MSR1: variants seen among roughly 807,000 people sequenced by gnomAD.
The protein encoded by MSR1 is macrophage scavenger receptor 1.
A neutral mutation model predicts 47.2 loss-of-function variants in MSR1; 53 were observed. The observed-to-expected ratio is 1.12, with a 90% CI of 0.90 to 1.41. The LOEUF is 1.41. Ranked by LOEUF, MSR1 falls within the 40% of genes most tolerant of loss-of-function variation. MSR1 has a pLI of 0.00. For synonymous variants in MSR1, 239 were observed against 185.6 expected (o/e 1.29, Z -2.34); for missense variants, 786 against 546.9 (o/e 1.44, Z -4.36).
intron 9 of MSR1, 59 bp from the exon 10 acceptor site, chr8:16,110,277 TG>T: frequency 1.3e-6 from 2 of 1,580,562 alleles, no homozygotes; most frequent in South Asian, 1.1e-5. Flanking sequence ...TCTCTTTGAG[TG>T]GGGCAAAGCC....
At chr8:16,129,350 G>A (rs351539) in intron 8 of MSR1, among the ~76,000 whole-genome samples, 6,391 of 152,092 alleles carry the variant, frequency 0.042, 446 homozygotes, top group African/African-American at 0.14. Context: ...TACAGCATCC[G>A]GGAAAGGATT....
intron 1 of MSR1, among the ~76,000 whole-genome samples, chr8:16,182,727 G>A (rs410717): frequency 0.14 from 20,747 of 151,984 alleles, 1,833 homozygotes; most frequent in African/African-American, 0.23. Flanking sequence ...CAGGCATGGA[G>A]CTGTCATCTC....
chr8:16,120,712 C>CTAA, intron 8 of MSR1, 106 bp from the exon 9 acceptor site: 1 of 1,323,792 alleles, frequency 7.6e-7, no homozygotes, highest in Non-Finnish European at 1.0e-6. Flanking sequence ...AAATGTTTAG[C>CTAA]ACATTTTCCA....
intron 3 of MSR1, among the ~76,000 whole-genome samples, chr8:16,170,439 T>C (rs1202234314): frequency 6.6e-6 from 1 of 152,212 alleles, no homozygotes; most frequent in Non-Finnish European, 1.5e-5. Context: ...TGAGGTTTTC[T>C]GTTTTCCTAT....
At chr8:16,133,602 G>A (rs1006815921) in intron 8 of MSR1, among the ~76,000 whole-genome samples, 1 of 152,114 alleles carries the variant, frequency 6.6e-6, no homozygotes, top group Non-Finnish European at 1.5e-5. Flanking sequence ...AAAATCACTT[G>A]AGCATCCTCA....
intron 1 of MSR1, among the ~76,000 whole-genome samples, chr8:16,186,516 T>C (rs1424263139): frequency 6.6e-6 from 1 of 152,076 alleles, no homozygotes; most frequent in Non-Finnish European, 1.5e-5. Context: ...ATCCACTACA[T>C]CCAATCTCTC....
At chr8:16,163,475 A>T (rs1801217506) in intron 5 of MSR1, among the ~76,000 whole-genome samples, 1 of 151,640 alleles carries the variant, frequency 6.6e-6, no homozygotes, top group Non-Finnish European at 1.5e-5. Context: ...AAAATATAGA[A>T]AAAATCTATA....
rs1801375402 is a variant in MSR1 at position 16,168,315 on chromosome 8, T to C, written c.630+143A>G. 7 of 791,672 alleles carry C rather than the reference T, an allele frequency of 8.8e-6. No homozygotes were observed. In the East Asian group the frequency reaches 1.9e-4, roughly 21 times the overall value. The allele number at this position is 791,672 out of a possible 1,614,324, so 49.0% of individuals were successfully genotyped here. ...TAAATCCCTTAACATTCGTTTAAAA[T>C]CTGGATAAGTTAGCCATAGAAATCA... On this transcript the variant is annotated intron_variant, in intron 4 of 9. Coordinates refer to ENST00000262101, the MANE Select transcript of MSR1 (RefSeq NM_138715.3).
At chr8:16,111,061 C>T (rs920808524) in intron 9 of MSR1, among the ~76,000 whole-genome samples, 1 of 152,100 alleles carries the variant, frequency 6.6e-6, no homozygotes, top group Non-Finnish European at 1.5e-5. Context: ...AATTATCTTA[C>T]TAGGCATGGC....
chr8:16,122,997 A>G (rs920081772), intron 8 of MSR1, among the ~76,000 whole-genome samples: 87 of 151,830 alleles, frequency 5.7e-4, no homozygotes, highest in African/African-American at 1.7e-3. Context: ...GGTGCCTGCC[A>G]CCACGCCCAG....
rs757315525 is a variant in MSR1 at position 16,150,309 on chromosome 8, G to A, written c.901C>T (p.Pro301Ser). 9.6e-6 allele frequency: 15 copies of A among 1,555,674 alleles called. No individual in the cohort carries two copies. The East Asian group carries it at 1.2e-4, about 12-fold the overall frequency. The change falls in exon 7 of 10, where the codon CCT (proline) becomes TCT (serine). Residue 301 changes from proline (P) to serine (S), a missense_variant and splice_region_variant. Pro to Ser is a moderately conservative substitution (Grantham distance 74). Coordinates refer to ENST00000262101, the MANE Select transcript of MSR1 (RefSeq NM_138715.3). ...CCCCGATCACCTTTAAGACCCGGAG[G>A]ACCTACATTATTAACGAAGAAAAAA... ...GPRGFPGPIGPPGLKGDRGAI... is the reference protein window; with the variant it reads ...GPRGFPGPIGSPGLKGDRGAI...
chr8:16,139,711 G>A, intron 8 of MSR1: 2 of 785,182 alleles, frequency 2.5e-6, no homozygotes, highest in Non-Finnish European at 3.0e-6. Context: ...TAAATGGGTT[G>A]GATAAATTGC....
In MSR1 at chr8:16,137,688, A is replaced by G. The variant is rs146752395; in HGVS notation, c.1033+5870T>C. On this transcript the variant is annotated intron_variant, in intron 8 of 9. Coordinates refer to ENST00000262101, the MANE Select transcript of MSR1 (RefSeq NM_138715.3). ...CAAATGCTCTTCTGAGGATTAATGT[A>G]TAATGCACCAAAAACCCTGTTGGGT... Among the ~76,000 whole-genome samples, 64 of 152,244 alleles carry G rather than the reference A, an allele frequency of 4.2e-4. 1 individual carries two copies. The East Asian group carries it at 0.012, about 29-fold the overall frequency.
Position 16,168,775 on chromosome 8 carries a change from C to G in MSR1, c.313G>C (p.Glu105Gln), listed in dbSNP as rs13306549. The change falls in exon 4 of 10, where the codon GAA becomes CAA. Residue 105 changes from glutamate (E) to glutamine (Q), a missense_variant. Physicochemically the swap from Glu to Gln is conservative, Grantham distance 29. Coordinates refer to ENST00000262101, the MANE Select transcript of MSR1 (RefSeq NM_138715.3). The stretch of plus-strand genomic sequence containing the variant: ...ACTTCTTGAAATCTCATTTCCTCTT[C>G]GCTGTCATTTCCTTTTCCCGTGAGA... Reference protein sequence around the residue: ...QSLTGKGNDSEEEMRFQEVFM... With the variant: ...QSLTGKGNDSQEEMRFQEVFM... 6.2e-7 allele frequency: 1 copy of G among 1,614,094 alleles called. No individual in the cohort carries two copies. The highest frequency in any genetic ancestry group is 8.5e-7 in the Non-Finnish European group (1 of 1,179,996).
intron 8 of MSR1, among the ~76,000 whole-genome samples, chr8:16,134,996 A>C (rs1305202531): frequency 6.6e-6 from 1 of 152,134 alleles, no homozygotes; most frequent in Non-Finnish European, 1.5e-5. Context: ...AAGCTAGCAG[A>C]GGTTGGTTCA....
intron 3 of MSR1, among the ~76,000 whole-genome samples, chr8:16,171,137 T>C (rs1181358310): frequency 6.7e-6 from 1 of 149,808 alleles, no homozygotes; most frequent in African/African-American, 2.5e-5. Context: ...GGCAGGAGAA[T>C]TGCTTGAGCC....
Position 16,161,808 on chromosome 8 carries a change from T to C in MSR1, c.817+2257A>G, listed in dbSNP as rs572446981. Among the ~76,000 whole-genome samples the C allele has an allele frequency of 2.3e-3, 353 of 152,144 alleles. 1 individual carries two copies. The highest frequency in any genetic ancestry group is 8.0e-3 in the African/African-American group (333 of 41,554). On this transcript the variant is annotated intron_variant, in intron 5 of 9. Coordinates refer to ENST00000262101, the MANE Select transcript of MSR1 (RefSeq NM_138715.3). ...TTATTCTTTTTTTCATTGTCATCAC[T>C]TGATTATTAGGCTTCTTAATTTTCT...
chr8:16,146,436 A>G (rs1204685052), intron 7 of MSR1, among the ~76,000 whole-genome samples: 11 of 152,066 alleles, frequency 7.2e-5, no homozygotes, highest in Admixed American at 7.2e-4. Flanking sequence ...CCTCCTCTGC[A>G]TAGTGAGGCA....
In MSR1 at chr8:16,145,495, A is replaced by G. The variant is rs74303549; in HGVS notation, c.980-1884T>C. 6.0e-3 allele frequency among the ~76,000 whole-genome samples: 907 copies of G among 152,262 alleles called. 26 individuals are homozygous for G. In the East Asian group the frequency reaches 0.1, roughly 17 times the overall value. Reference sequence around the variant, plus strand: ...ATGAGAAAAGAGAAAGAAACTATGCATTGTTCTTAGAAGTCTTTTCACACA... The same window carrying G: ...ATGAGAAAAGAGAAAGAAACTATGCGTTGTTCTTAGAAGTCTTTTCACACA... On this transcript the variant is annotated intron_variant, in intron 7 of 9. Transcript: ENST00000262101.
Sources: allele counts gnomAD v4.1 joint callset (sites outside exome capture counted in the v4.1 genomes callset), GRCh38; gene constraint gnomAD v4.1.1; transcripts MANE v1.5; gene names NCBI Gene and HGNC (gene_info 2026-07-23, HGNC 2026-07-21).